The following TIGD1 variants were observed in gnomAD, a reference collection of about 807,000 sequenced individuals.
TIGD1 encodes tigger transposable element-derived protein 1.
In TIGD1, 20 loss-of-function variants were observed where a neutral mutation model predicts 21.3. The observed-to-expected ratio is 0.94, with a 90% CI of 0.66 to 1.36. The LOEUF (loss-of-function observed/expected upper bound fraction) is 1.36. Among genes scored for constraint, TIGD1 ranks in the 40% most tolerant of loss-of-function variants. TIGD1 has a pLI of 0.00. For missense variants in TIGD1, 556 were observed against 350.5 expected (o/e 1.59, Z -4.68); for synonymous variants, 177 against 123.2 (o/e 1.44, Z -2.89).
chr2:232,545,476 T>G lies in TIGD1; in HGVS notation c.*2631A>C. The stretch of plus-strand genomic sequence containing the variant: ...CATGGGCCTGCTGGAAGCCCAAGGA[T>G]GAGAACAGGACCCAGGGAAGACCTG... On this transcript the variant is annotated 3_prime_UTR_variant, in exon 1 of 1. Coordinates refer to ENST00000408957, the MANE Select transcript of TIGD1 (RefSeq NM_145702.4). 252 of 1,413,482 alleles carry G rather than the reference T, an allele frequency of 1.8e-4. No homozygotes were observed. The highest frequency in any genetic ancestry group is 4.1e-4 in the Middle Eastern group (2 of 4,852). 87.6% of individuals were successfully genotyped at this position (1,413,482 alleles called of 1,614,324 possible).
In TIGD1 at chr2:232,545,238, C is replaced by T. The variant is rs560299948; in HGVS notation, c.*2869G>A. ...AGGAGAATTGCTTGAACCTGGGAGGCGGAGGTTGCAGTGAGCCAAGCCAAG... is the reference window on the plus strand; with the variant it reads ...AGGAGAATTGCTTGAACCTGGGAGGTGGAGGTTGCAGTGAGCCAAGCCAAG... On this transcript the variant is annotated 3_prime_UTR_variant, in exon 1 of 1. Transcript: ENST00000408957. 9.3e-5 allele frequency among the ~76,000 whole-genome samples: 14 copies of T among 150,556 alleles called. No individual in the cohort carries two copies. Among genetic ancestry groups the T allele is most frequent in the East Asian group, 3.9e-4 (2 of 5,086 alleles).
rs1253847579 is a variant in TIGD1 at position 232,547,785 on chromosome 2, G to A, written c.*322C>T. Among the ~76,000 whole-genome samples, 1 of 152,212 alleles carries A rather than the reference G, an allele frequency of 6.6e-6. No homozygotes were observed. Among genetic ancestry groups the A allele is most frequent in the African/African-American group, 2.4e-5 (1 of 41,460 alleles). On this transcript the variant is annotated 3_prime_UTR_variant, in exon 1 of 1. Coordinates refer to ENST00000408957, the MANE Select transcript of TIGD1 (RefSeq NM_145702.4). ...CACAAGTCTCTCAACCTCTCTGAAAGCCTCAGAGGGCAGAGGATTAGCTCC... is the reference window on the plus strand; with the variant it reads ...CACAAGTCTCTCAACCTCTCTGAAAACCTCAGAGGGCAGAGGATTAGCTCC...
Position 232,549,852 on chromosome 2 carries a change from T to A in TIGD1, c.31A>T (p.Ser11Cys). 6.6e-7 allele frequency: 1 copy of A among 1,524,720 alleles called. No homozygotes were observed. The highest frequency in any genetic ancestry group is 8.8e-7 in the Non-Finnish European group (1 of 1,132,372). 94.4% of individuals were successfully genotyped at this position (1,524,720 alleles called of 1,614,324 possible). MASKCSSERK[S>C]RTSLTLNQKL... ...TGATTTAAAGTGAGAGATGTGCGAC[T>A]CTTCCTTTCACTTGAGCACTTAGAG... The change falls in exon 1 of 1, where the codon AGT (serine) becomes TGT (cysteine). Residue 11 changes from serine to cysteine, a missense_variant. Physicochemically the swap from Ser to Cys is moderately radical, Grantham distance 112. Coordinates refer to ENST00000408957, the MANE Select transcript of TIGD1 (RefSeq NM_145702.4).
At position 232,548,786 on chromosome 2, in the gene TIGD1, G is replaced by C. The variant is rs1451236904; in HGVS notation, c.1097C>G (p.Ser366Cys). The C allele has an allele frequency of 1.8e-6, 1 of 546,978 alleles. No homozygotes were observed. Among genetic ancestry groups the C allele is most frequent in the Non-Finnish European group, 3.5e-6 (1 of 288,558 alleles). 33.9% of individuals were successfully genotyped at this position (546,978 alleles called of 1,614,324 possible). ...GAAGGTTTTCAATTTGCTTTGCCCA[G>C]ATCCATCAGAGACATCACTATCCAT... ...AAMDSDVSDG[S>C]GQSKLKTFWK... The change falls in exon 1 of 1, where the codon TCT becomes TGT. Residue 366 changes from serine to cysteine, a missense_variant. Ser to Cys is a moderately radical substitution (Grantham distance 112). Coordinates refer to ENST00000408957, the MANE Select transcript of TIGD1 (RefSeq NM_145702.4).
chr2:232,544,551 G>A lies in TIGD1; in HGVS notation c.*3556C>T, dbSNP rs767884780. The A allele has an allele frequency of 1.2e-6, 2 of 1,613,564 alleles. No homozygotes were observed. Among genetic ancestry groups the A allele is most frequent in the Non-Finnish European group, 1.7e-6 (2 of 1,179,882 alleles). On this transcript the variant is annotated 3_prime_UTR_variant, in exon 1 of 1. Coordinates refer to ENST00000408957, the MANE Select transcript of TIGD1 (RefSeq NM_145702.4). The stretch of plus-strand genomic sequence containing the variant: ...CTCTTCCAGCAGTGGCAGCGGCAAG[G>A]GCTGGTGGCGGCAGCGCTGGAGAAG...
chr2:232,547,947 C>T lies in TIGD1; in HGVS notation c.*160G>A, dbSNP rs1243956109. 2.9e-5 allele frequency: 13 copies of T among 452,084 alleles called. No individual in the cohort carries two copies. Among genetic ancestry groups the T allele is most frequent in the Non-Finnish European group, 4.2e-5 (11 of 259,590 alleles). 28.0% of individuals were successfully genotyped at this position (452,084 alleles called of 1,614,324 possible). On this transcript the variant is annotated 3_prime_UTR_variant, in exon 1 of 1. Coordinates refer to ENST00000408957, the MANE Select transcript of TIGD1 (RefSeq NM_145702.4). The stretch of plus-strand genomic sequence containing the variant: ...CATTGCAGGTTCAGTTCCAGACCAA[C>T]ACAAGAAAGCAAGTCACATGAATGT...
Position 232,544,672 on chromosome 2 carries a change from A to G in TIGD1, c.*3435T>C. ...GCAGATGAGTGCTGGAGAAGTGCCC[A>G]GGTCAGGGAGAGAGGAGCTGGGGTC... On this transcript the variant is annotated 3_prime_UTR_variant, in exon 1 of 1. Transcript: ENST00000408957. The G allele has an allele frequency of 6.4e-7, 1 of 1,568,344 alleles. No homozygotes were observed. Among genetic ancestry groups the G allele is most frequent in the Non-Finnish European group, 8.8e-7 (1 of 1,140,234 alleles).
In TIGD1 at chr2:232,547,539, T is replaced by C. The variant is rs1304243304; in HGVS notation, c.*568A>G. ...ATATGCCCTCCCTCCAAGCACAGGATTGCTGTCTTTGGGATTCAATCACCA... is the reference window on the plus strand; with the variant it reads ...ATATGCCCTCCCTCCAAGCACAGGACTGCTGTCTTTGGGATTCAATCACCA... On this transcript the variant is annotated 3_prime_UTR_variant, in exon 1 of 1. Transcript: ENST00000408957. Among the ~76,000 whole-genome samples, 1 of 152,218 alleles carries C rather than the reference T, an allele frequency of 6.6e-6. No individual in the cohort carries two copies. The highest frequency in any genetic ancestry group is 2.4e-5 in the African/African-American group (1 of 41,454).
rs751748690 is a variant in TIGD1 at position 232,545,590 on chromosome 2, C to T, written c.*2517G>A. On this transcript the variant is annotated 3_prime_UTR_variant, in exon 1 of 1. Transcript: ENST00000408957. ...TGGGCCGAGTGCTGGACCGCGTCTGCTTCCTGGCCATGCTCTCGCTCTTCA... is the reference window on the plus strand; with the variant it reads ...TGGGCCGAGTGCTGGACCGCGTCTGTTTCCTGGCCATGCTCTCGCTCTTCA... 8.1e-6 allele frequency: 13 copies of T among 1,614,104 alleles called. No individual in the cohort carries two copies. The highest frequency in any genetic ancestry group is 1.1e-5 in the Non-Finnish European group (13 of 1,180,030).
At position 232,549,436 on chromosome 2, in the gene TIGD1, T is replaced by G; in HGVS notation, c.447A>C (p.Lys149Asn). The change falls in exon 1 of 1, where the codon AAA becomes AAC. Residue 149 changes from lysine (K) to asparagine (N), a missense_variant. By Grantham distance (94) the Lys-to-Asn change is moderately conservative (BLOSUM62 0). Transcript: ENST00000408957. ...FKERSHFHNI[K>N]AQGEAASADV... ...CAGCACTTGCTGCTTCACCTTGTGC[T>G]TTTATGTTATGGAAATGGCTTCTTT... is the stretch of plus-strand genomic sequence containing the variant. The G allele has an allele frequency of 1.5e-6, 1 of 654,206 alleles. No individual in the cohort carries two copies. The highest frequency in any genetic ancestry group is 2.7e-6 in the Non-Finnish European group (1 of 366,062). The allele number at this position is 654,206 out of a possible 1,614,324, so 40.5% of individuals were successfully genotyped here. A position where few individuals can be genotyped will look rare whatever the true frequency, so the allele number is the denominator to read the frequency against.
chr2:232,545,460 G>C lies in TIGD1; in HGVS notation c.*2647C>G, dbSNP rs956605329. On this transcript the variant is annotated 3_prime_UTR_variant, in exon 1 of 1. Coordinates refer to ENST00000408957, the MANE Select transcript of TIGD1 (RefSeq NM_145702.4). Reference sequence around the variant, plus strand: ...CCCCAGGAAATGGAGACATGGGCCTGCTGGAAGCCCAAGGATGAGAACAGG... The same window carrying C: ...CCCCAGGAAATGGAGACATGGGCCTCCTGGAAGCCCAAGGATGAGAACAGG... 21 of 1,270,390 alleles carry C rather than the reference G, an allele frequency of 1.7e-5. No individual in the cohort carries two copies. In the African/African-American group the frequency reaches 2.8e-4, roughly 17 times the overall value. The allele number at this position is 1,270,390 out of a possible 1,614,324, so 78.7% of individuals were successfully genotyped here. A position where few individuals can be genotyped will look rare whatever the true frequency, so the allele number is the denominator to read the frequency against.
At position 232,544,638 on chromosome 2, in the gene TIGD1, C is replaced by T; in HGVS notation, c.*3469G>A. ...CTCCCCTGGGACCCCAGCTGGGGAG[C>T]CAGGCACAGCAGATGAGTGCTGGAG... On this transcript the variant is annotated 3_prime_UTR_variant, in exon 1 of 1. Coordinates refer to ENST00000408957, the MANE Select transcript of TIGD1 (RefSeq NM_145702.4). 6.4e-7 allele frequency: 1 copy of T among 1,565,982 alleles called. No homozygotes were observed. Among genetic ancestry groups the T allele is most frequent in the South Asian group, 1.1e-5 (1 of 89,990 alleles).
At position 232,544,829 on chromosome 2, in the gene TIGD1, C is replaced by T. The variant is rs1692094450; in HGVS notation, c.*3278G>A. 8 of 1,613,894 alleles carry T rather than the reference C, an allele frequency of 5.0e-6. No homozygotes were observed. The highest frequency in any genetic ancestry group is 6.8e-6 in the Non-Finnish European group (8 of 1,179,990). ...TGTGGCAGCCTGAAGCAGGCTGCCCCAGCCATCCAGGCCTGTGTGGAAGCC... is the reference window on the plus strand; with the variant it reads ...TGTGGCAGCCTGAAGCAGGCTGCCCTAGCCATCCAGGCCTGTGTGGAAGCC... On this transcript the variant is annotated 3_prime_UTR_variant, in exon 1 of 1. Transcript: ENST00000408957.
In TIGD1 at chr2:232,549,822, G is replaced by C; in HGVS notation, c.61C>G (p.Leu21Val). ...TCCTCACTCAGTTTAATCATTTCTA[G>C]TTTTTGATTTAAAGTGAGAGATGTG... ...SRTSLTLNQK[L>V]EMIKLSEEGM... is the part of the protein sequence containing the mutation. Residue 21 changes from leucine (L) to valine (V), a missense_variant, in exon 1 of 1, where the codon CTA (leucine) becomes GTA (valine). Coordinates refer to ENST00000408957, the MANE Select transcript of TIGD1 (RefSeq NM_145702.4). The C allele has an allele frequency of 6.5e-7, 1 of 1,544,148 alleles. No homozygotes were observed. The highest frequency in any genetic ancestry group is 8.7e-7 in the Non-Finnish European group (1 of 1,143,852).
Position 232,543,992 on chromosome 2 carries a change from T to C in TIGD1, c.*4115A>G, listed in dbSNP as rs565332450. On this transcript the variant is annotated 3_prime_UTR_variant, in exon 1 of 1. Transcript: ENST00000408957. ...AAGTAACCTGCCCAAGGAAGTGCAC[T>C]ACAAAGTCGAAAAAGCAGGAGTCTG... is the stretch of plus-strand genomic sequence containing the variant. Among the ~76,000 whole-genome samples, 255 of 152,348 alleles carry C rather than the reference T, an allele frequency of 1.7e-3. No homozygotes were observed. The highest frequency in any genetic ancestry group is 3.4e-3 in the Middle Eastern group (1 of 294).
In TIGD1 at chr2:232,544,941, C is replaced by G; in HGVS notation, c.*3166G>C. 6.2e-7 allele frequency: 1 copy of G among 1,612,888 alleles called. No individual in the cohort carries two copies. Among genetic ancestry groups the G allele is most frequent in the South Asian group, 1.1e-5 (1 of 91,012 alleles). On this transcript the variant is annotated 3_prime_UTR_variant, in exon 1 of 1. Transcript: ENST00000408957. The stretch of plus-strand genomic sequence containing the variant: ...GGGTGGGGTGGAGGTGGAGTGAGTA[C>G]CTGGGCTTGGAACCGTGATAGAGAC...
rs1307823909 is a variant in TIGD1, at chr2:232,549,103, T to C, written c.780A>G (p.Lys260=). The stretch of plus-strand genomic sequence containing the variant: ...CTGTCATCCGGGCTTTGCTGTTCCA[T>C]TTATATAGCACGGGTAGAGTAGATT... ...YTKSTLPVLY[K]WNSKARMTAH... The change falls in exon 1 of 1, where the codon AAA becomes AAG. Residue 260 remains lysine, a synonymous_variant. Coordinates refer to ENST00000408957, the MANE Select transcript of TIGD1 (RefSeq NM_145702.4). The C allele has an allele frequency of 8.4e-6, 6 of 715,920 alleles. No homozygotes were observed. The highest frequency in any genetic ancestry group is 6.0e-5 in the Admixed American group (3 of 49,914). The allele number at this position is 715,920 out of a possible 1,614,324, so 44.3% of individuals were successfully genotyped here. A position where few individuals can be genotyped will look rare whatever the true frequency, so the allele number is the denominator to read the frequency against.
Position 232,545,391 on chromosome 2 carries a change from A to C in TIGD1, c.*2716T>G. ...GGGGGCACCTCAGGGCCAGGGGGCC[A>C]TGGAATTAGCCACCAGTTGGGACCC... On this transcript the variant is annotated 3_prime_UTR_variant, in exon 1 of 1. Coordinates refer to ENST00000408957, the MANE Select transcript of TIGD1 (RefSeq NM_145702.4). 1 of 739,238 alleles carries C rather than the reference A, an allele frequency of 1.4e-6. No homozygotes were observed. The highest frequency in any genetic ancestry group is 2.4e-6 in the Non-Finnish European group (1 of 423,598). 45.8% of individuals were successfully genotyped at this position (739,238 alleles called of 1,614,324 possible).
At position 232,549,002 on chromosome 2, in the gene TIGD1, G is replaced by A; in HGVS notation, c.881C>T (p.Pro294Leu). 1.4e-6 allele frequency: 1 copy of A among 701,808 alleles called. No individual in the cohort carries two copies. The highest frequency in any genetic ancestry group is 1.7e-5 in the African/African-American group (1 of 57,164). 43.5% of individuals were successfully genotyped at this position (701,808 alleles called of 1,614,324 possible). ...GTCAATGAGCAGTAATATTTTGAAA[G>A]GAATCTTCTTTTCTGAGCAGTAGGT... Reference protein sequence around the residue: ...VETYCSEKKIPFKILLLIDNA... With the variant: ...VETYCSEKKILFKILLLIDNA... Residue 294 changes from proline (P) to leucine (L), a missense_variant, in exon 1 of 1, where the codon CCT (proline) becomes CTT (leucine). Physicochemically the swap from Pro to Leu is moderately conservative, Grantham distance 98. Transcript: ENST00000408957.
Sources: gnomAD v4.1 joint callset for allele counts (sites outside exome capture counted in the v4.1 genomes callset) on GRCh38, gnomAD v4.1.1 for gene constraint, MANE v1.5 for transcripts, NCBI Gene and HGNC (gene_info 2026-07-23, HGNC 2026-07-21) for gene names.